The following CRCP variants were observed in gnomAD, a reference collection of about 807,000 sequenced individuals.
CRCP encodes CGRP receptor component.
Under a neutral mutation model 18.5 loss-of-function variants are expected in CRCP, and 18 were observed. That is an observed-to-expected ratio of 0.97 (90% CI 0.67 to 1.44). The LOEUF is 1.44. Among genes scored for constraint, CRCP ranks in the 40% most tolerant of loss-of-function variants. The probability of loss-of-function intolerance (pLI) is 0.00; values close to 1 mark genes in which losing one functional copy is unlikely to be tolerated. For missense variants in CRCP, 130 were observed against 176.4 expected, an observed-to-expected ratio of 0.74 and a Z score of 1.49; for synonymous variants, 53 against 62.9, an observed-to-expected ratio of 0.84 and a Z score of 0.75.
At chr7:66,129,201 C>A (rs374684469) in intron 2 of CRCP, among the ~76,000 whole-genome samples, 5 of 152,096 alleles carry the variant, frequency 3.3e-5, no homozygotes, top group Non-Finnish European at 7.4e-5. Context: ...GGCAAGGTGG[C>A]GGGCGCCTGT....
intron 4 of CRCP, among the ~76,000 whole-genome samples, chr7:66,135,119 G>T (rs1171788429): frequency 6.6e-6 from 1 of 152,118 alleles, no homozygotes; most frequent in Non-Finnish European, 1.5e-5. Flanking sequence ...ACCTTACAAA[G>T]CACTTCACAC....
rs1195910479 is a variant in CRCP, at chr7:66,138,629, A to AG, written c.239+4255_239+4256insG. ...TGAAACCTCGTCTCTACTAAAAAAAAAAAAAAAAAAAAAAATCAGCTGGGC... is the reference window on the plus strand; with the variant it reads ...TGAAACCTCGTCTCTACTAAAAAAAAGAAAAAAAAAAAAAAATCAGCTGGGC... On this transcript the variant is annotated intron_variant, in intron 4 of 5. Transcript: ENST00000395326. Among the ~76,000 whole-genome samples, 25 of 149,046 alleles carry AG rather than the reference A, an allele frequency of 1.7e-4. No individual in the cohort carries two copies. In the South Asian group the frequency reaches 5.3e-3, roughly 32 times the overall value.
chr7:66,124,101 C>T (rs1360613090), intron 1 of CRCP, among the ~76,000 whole-genome samples: 1 of 125,206 alleles, frequency 8.0e-6, no homozygotes, highest in Non-Finnish European at 1.6e-5. Flanking sequence ...GTGGCTCACT[C>T]CTGTAATCCC....
At chr7:66,123,092 T>C (rs1175664915) in intron 1 of CRCP, among the ~76,000 whole-genome samples, 3 of 151,724 alleles carry the variant, frequency 2.0e-5, no homozygotes, top group East Asian at 1.9e-4. Context: ...GTAGCTGGGA[T>C]TACAGGCGCC....
At chr7:66,122,491 T>C (rs1787475513) in intron 1 of CRCP, among the ~76,000 whole-genome samples, 1 of 152,128 alleles carries the variant, frequency 6.6e-6, no homozygotes, top group Non-Finnish European at 1.5e-5. Flanking sequence ...TTCAGTTTCC[T>C]CAAGTAGTTG....
intron 5 of CRCP, among the ~76,000 whole-genome samples, chr7:66,149,013 A>G (rs1250205062): frequency 6.6e-6 from 1 of 152,238 alleles, no homozygotes; most frequent in African/African-American, 2.4e-5. Flanking sequence ...TGGCGACTTC[A>G]AGTTGCCATT....
Position 66,145,520 on chromosome 7 carries a change from G to A in CRCP, c.297+20G>A, listed in dbSNP as rs373098594. 80 of 1,613,442 alleles carry A rather than the reference G, an allele frequency of 5.0e-5. 1 individual carries two copies. The Middle Eastern group carries it at 6.6e-4, about 13-fold the overall frequency. ...CAGCTGGTGAGTGAAGGGCGCCTGT[G>A]CTGGGGAGGCTGCTGTGGGTCTGAG... is the stretch of plus-strand genomic sequence containing the variant. On this transcript the variant is annotated intron_variant, in intron 5 of 5. Coordinates refer to ENST00000395326, the MANE Select transcript of CRCP (RefSeq NM_014478.5).
intron 4 of CRCP, among the ~76,000 whole-genome samples, chr7:66,134,739 A>C (rs1322787443): frequency 6.6e-6 from 1 of 152,206 alleles, no homozygotes; most frequent in Non-Finnish European, 1.5e-5. Context: ...CAAATGGGCC[A>C]AAATACAGTT....
At chr7:66,131,085 C>T (rs776687466) in intron 3 of CRCP, among the ~76,000 whole-genome samples, 82 of 152,294 alleles carry the variant, frequency 5.4e-4, no homozygotes, top group Middle Eastern at 3.4e-3. Flanking sequence ...TGCCATTCTT[C>T]TGCCTCAGCC....
rs777665851 is a variant in CRCP, at chr7:66,127,737, C to T, written c.42C>T (p.Tyr14=). The change falls in exon 2 of 6, where the codon TAC becomes TAT. Residue 14 remains tyrosine (Y), a synonymous_variant. Transcript: ENST00000395326. Reference sequence around the variant, plus strand: ...CCAATTCTGCGCTTCTCAGTAACTACGAGGTAAATTGGATTGTTACATTTT... The same window carrying T: ...CCAATTCTGCGCTTCTCAGTAACTATGAGGTAAATTGGATTGTTACATTTT... ...KDANSALLSN[Y]EVFQLLTDLK... 6.8e-6 allele frequency: 11 copies of T among 1,613,908 alleles called. No individual in the cohort carries two copies. Among genetic ancestry groups the T allele is most frequent in the Middle Eastern group, 1.6e-4 (1 of 6,084 alleles).
chr7:66,140,643 A>T (rs941412647), intron 4 of CRCP, among the ~76,000 whole-genome samples: 4 of 152,138 alleles, frequency 2.6e-5, no homozygotes, highest in African/African-American at 9.7e-5. Flanking sequence ...TCGCCGCCTC[A>T]GCCTCCCAAA....
At chr7:66,136,342 T>C (rs1787971894) in intron 4 of CRCP, among the ~76,000 whole-genome samples, 1 of 152,088 alleles carries the variant, frequency 6.6e-6, no homozygotes, top group African/African-American at 2.4e-5. Flanking sequence ...TGATTCCTCC[T>C]GCCTCAGCCT....
At chr7:66,146,246 G>C (rs316322) in intron 5 of CRCP, among the ~76,000 whole-genome samples, 15,817 of 152,018 alleles carry the variant, frequency 0.1, 1,002 homozygotes, top group South Asian at 0.2. Flanking sequence ...TGTGAAGTCC[G>C]CTTTGTACTG....
chr7:66,135,803 C>G (rs753270354), intron 4 of CRCP, among the ~76,000 whole-genome samples: 10 of 152,136 alleles, frequency 6.6e-5, no homozygotes, highest in Admixed American at 6.6e-4. Context: ...TGCCTGTAAT[C>G]CCAACTACTA....
At chr7:66,115,036 G>C (rs111608760) in intron 1 of CRCP, 66 bp downstream of exon 1, 14 of 1,575,560 alleles carry the variant, frequency 8.9e-6, no homozygotes, top group African/African-American at 6.7e-5. Flanking sequence ...TGAGAGCTGA[G>C]AGCCGAGAGC....
At chr7:66,145,156 CAAAAA>C (rs200478059) in intron 4 of CRCP, among the ~76,000 whole-genome samples, 1 of 149,930 alleles carries the variant, frequency 6.7e-6, no homozygotes. Flanking sequence ...AACTCTGTCT[CAAAAA>C]AAAAGGAAAA....
At chr7:66,148,800 CAT>C (rs1788372860) in intron 5 of CRCP, among the ~76,000 whole-genome samples, 1 of 152,250 alleles carries the variant, frequency 6.6e-6, no homozygotes. Flanking sequence ...AGTCTTGACT[CAT>C]ATAGAGCGTT....
intron 4 of CRCP, among the ~76,000 whole-genome samples, chr7:66,139,404 C>A (rs181983936): frequency 1.3e-5 from 2 of 152,248 alleles, no homozygotes; most frequent in East Asian, 3.9e-4. Context: ...TTTACTTTTT[C>A]CCCCAGTTAT....
intron 3 of CRCP, among the ~76,000 whole-genome samples, chr7:66,132,326 T>G (rs995440838): frequency 2.0e-5 from 3 of 152,212 alleles, no homozygotes; most frequent in African/African-American, 4.8e-5. Context: ...TCAATCTATA[T>G]CCTTACTCTT....
Sources: allele counts gnomAD v4.1 joint callset (sites outside exome capture counted in the v4.1 genomes callset), GRCh38; gene constraint gnomAD v4.1.1; transcripts MANE v1.5; gene names NCBI Gene and HGNC (gene_info 2026-07-23, HGNC 2026-07-21).